PGK1: variants seen among roughly 807,000 people sequenced by gnomAD.
The protein encoded by PGK1 is PRP 2.
A neutral mutation model predicts 26.9 loss-of-function variants in PGK1; 3 were observed. That is an observed-to-expected ratio of 0.11 (90% CI 0.05 to 0.29). The LOEUF is 0.29. Ranked by LOEUF, PGK1 falls within the 10% of genes least tolerant of loss-of-function variation. The pLI is 1.00. For synonymous variants in PGK1, 125 were observed against 115.3 expected (o/e 1.08, Z -0.54); for missense variants, 270 against 314.7 (o/e 0.86, Z 1.07).
In PGK1 at chrX:78,106,705, T is replaced by G. The variant is rs782696047; in HGVS notation, c.65+2300T>G. 6.1e-6 allele frequency: 4 copies of G among 652,516 alleles called. No homozygotes were observed. In the African/African-American group the frequency reaches 9.6e-5, roughly 16 times the overall value. The allele number at this position is 652,516 out of a possible 1,213,427, so 53.8% of individuals were successfully genotyped here. On this transcript the variant is annotated intron_variant, in intron 1 of 10. Transcript: ENST00000373316. ...GGATAGCCAGAAACCTCTGACTTGT[T>G]AATTACCAGGTTCCATCTTAGTTTT...
intron 1 of PGK1, among the ~76,000 whole-genome samples, chrX:78,107,127 A>G (rs1171654924): frequency 9.0e-6 from 1 of 111,245 alleles, no homozygotes; most frequent in Non-Finnish European, 1.9e-5. Context: ...AAATCAGTAT[A>G]TTTTTTAATG....
rs781855321 is a variant in PGK1, at chrX:78,125,852, CT to C, written c.*23del. The C allele has an allele frequency of 8.8e-7, 1 of 1,139,696 alleles. No individual in the cohort carries two copies. Among genetic ancestry groups the C allele is most frequent in the East Asian group, 3.0e-5 (1 of 33,589 alleles). The allele number at this position is 1,139,696 out of a possible 1,213,427, so 93.9% of individuals were successfully genotyped here. On this transcript the variant is annotated 3_prime_UTR_variant, in exon 11 of 11. Transcript: ENST00000373316. ...TTAGTACTTTCCTGCCTTTTAGTTC[CT>C]GTGCACAGCCCCTAAGTCAACTTAG...
chrX:78,121,319 G>A (rs782710162), intron 6 of PGK1, among the ~76,000 whole-genome samples: 1 of 111,852 alleles, frequency 8.9e-6, no homozygotes, highest in Non-Finnish European at 1.9e-5. Context: ...TTGATTTGTT[G>A]AAGAAACAGG....
Position 78,125,873 on chromosome X carries a change from A to C in PGK1, c.*43A>C. 9.4e-7 allele frequency: 1 copy of C among 1,062,453 alleles called. No individual in the cohort carries two copies. The highest frequency in any genetic ancestry group is 1.3e-6 in the Non-Finnish European group (1 of 759,628). The allele number at this position is 1,062,453 out of a possible 1,213,427, so 87.6% of individuals were successfully genotyped here. ...GTTCCTGTGCACAGCCCCTAAGTCAACTTAGCATTTTCTGCATCTCCACTT... is the reference window on the plus strand; with the variant it reads ...GTTCCTGTGCACAGCCCCTAAGTCACCTTAGCATTTTCTGCATCTCCACTT... On this transcript the variant is annotated 3_prime_UTR_variant, in exon 11 of 11. Transcript: ENST00000373316.
chrX:78,113,317 GA>G lies in PGK1; in HGVS notation c.117-417del, dbSNP rs1267717574. Among the ~76,000 whole-genome samples, 34 of 108,002 alleles carry G rather than the reference GA, an allele frequency of 3.1e-4. 1 individual carries two copies. Among genetic ancestry groups the G allele is most frequent in the Admixed American group, 8.9e-4 (9 of 10,112 alleles). The allele number at this position is 108,002 out of a possible 115,157, so 93.8% of individuals were successfully genotyped here. ...CCCTGTCTCAACAAAAAAAGGAAAA[GA>G]AAAAAAAAATTCTAGACTTCTAGAG... On this transcript the variant is annotated intron_variant, in intron 2 of 10. Coordinates refer to ENST00000373316, the MANE Select transcript of PGK1 (RefSeq NM_000291.4).
In PGK1 at chrX:78,128,943, A is replaced by C. The variant is rs2078395069; in HGVS notation, c.*3113A>C. ...GCCGGGCGCAGTGGCTCACGCCTGTAATCCCAACAACACTTTGGGAGGCCC... is the reference window on the plus strand; with the variant it reads ...GCCGGGCGCAGTGGCTCACGCCTGTCATCCCAACAACACTTTGGGAGGCCC... On this transcript the variant is annotated 3_prime_UTR_variant, in exon 11 of 11. Coordinates refer to ENST00000373316, the MANE Select transcript of PGK1 (RefSeq NM_000291.4). The C allele has an allele frequency of 8.9e-6, 1 of 112,199 alleles. No homozygotes were observed. Among genetic ancestry groups the C allele is most frequent in the African/African-American group, 3.2e-5 (1 of 30,803 alleles). 9.2% of individuals were successfully genotyped at this position (112,199 alleles called of 1,213,427 possible).
chrX:78,110,024 A>G, intron 2 of PGK1, 107 bp downstream of exon 2: 2 of 582,210 alleles, frequency 3.4e-6, no homozygotes, highest in Middle Eastern at 3.1e-4. Context: ...AACTTAAAAC[A>G]AATGATTTTG....
chrX:78,105,589 CTAACTT>C (rs1305740699), intron 1 of PGK1, among the ~76,000 whole-genome samples: 1 of 111,564 alleles, frequency 9.0e-6, no homozygotes, highest in Non-Finnish European at 1.9e-5. Flanking sequence ...TCCCTTTACT[CTAACTT>C]TAAACATATG....
intron 2 of PGK1, among the ~76,000 whole-genome samples, chrX:78,110,798 A>T (rs1477341193): frequency 1.8e-5 from 2 of 110,585 alleles, no homozygotes; most frequent in Non-Finnish European, 3.8e-5. Flanking sequence ...CTTCCAAAAA[A>T]ACAAACAGGA....
chrX:78,125,088 C>CTT, intron 9 of PGK1, 37 bp downstream of exon 9: 1 of 1,121,001 alleles, frequency 8.9e-7, no homozygotes, highest in Non-Finnish European at 1.2e-6. Context: ...CCCATATAAG[C>CTT]TGGCAGAATT....
At chrX:78,125,283 T>C (rs1366679454) in intron 9 of PGK1, 44 bp from the exon 10 acceptor site, 1 of 1,050,972 alleles carries the variant, frequency 9.5e-7, no homozygotes, top group Non-Finnish European at 1.3e-6. Context: ...TCCCTTTTTT[T>C]TCTTTTCTCT....
chrX:78,127,482 T>A lies in PGK1; in HGVS notation c.*1652T>A, dbSNP rs782114180. 8.9e-6 allele frequency: 1 copy of A among 112,117 alleles called. No individual in the cohort carries two copies. The highest frequency in any genetic ancestry group is 1.9e-5 in the Non-Finnish European group (1 of 53,278). 9.2% of individuals were successfully genotyped at this position (112,117 alleles called of 1,213,427 possible). On this transcript the variant is annotated 3_prime_UTR_variant, in exon 11 of 11. Transcript: ENST00000373316. ...CCAGAAATTCTGTGCTGGAAAGATA[T>A]GTATTTCACCTTTAGGGACAAAGAA...
At chrX:78,111,547 C>CT (rs200193276) in intron 2 of PGK1, among the ~76,000 whole-genome samples, 51,871 of 110,999 alleles carry the variant, frequency 0.47, 11,208 homozygotes, top group African/African-American at 0.86. Flanking sequence ...TGTTTTTATA[C>CT]TACAGCACAT....
intron 1 of PGK1, chrX:78,106,561 T>C: frequency 2.7e-6 from 2 of 753,351 alleles, no homozygotes; most frequent in Non-Finnish European, 3.1e-6. Context: ...TGGGGCTTCC[T>C]GAGTAGTGGC....
At chrX:78,119,526 G>T (rs1463500731) in intron 6 of PGK1, among the ~76,000 whole-genome samples, 1 of 111,745 alleles carries the variant, frequency 8.9e-6, no homozygotes, top group African/African-American at 3.3e-5. Flanking sequence ...TGACTCTGGA[G>T]TTGGGTGTCA....
rs373973773 is a variant in PGK1, at chrX:78,125,869, G to C, written c.*39G>C. On this transcript the variant is annotated 3_prime_UTR_variant, in exon 11 of 11. Coordinates refer to ENST00000373316, the MANE Select transcript of PGK1 (RefSeq NM_000291.4). ...TTTAGTTCCTGTGCACAGCCCCTAA[G>C]TCAACTTAGCATTTTCTGCATCTCC... The C allele has an allele frequency of 2.6e-4, 276 of 1,072,964 alleles. No individual in the cohort carries two copies. Among genetic ancestry groups the C allele is most frequent in the Admixed American group, 8.8e-5 (4 of 45,590 alleles). The allele number at this position is 1,072,964 out of a possible 1,213,427, so 88.4% of individuals were successfully genotyped here. A position where few individuals can be genotyped will look rare whatever the true frequency, so the allele number is the denominator to read the frequency against.
intron 1 of PGK1, among the ~76,000 whole-genome samples, chrX:78,109,647 T>G (rs1219445010): frequency 2.7e-5 from 3 of 111,225 alleles, no homozygotes; most frequent in Non-Finnish European, 5.7e-5. Flanking sequence ...GGTTAAGAGA[T>G]AGAACATTAC....
intron 1 of PGK1, among the ~76,000 whole-genome samples, chrX:78,107,756 G>A (rs2078278717): frequency 9.0e-6 from 1 of 111,586 alleles, no homozygotes; most frequent in African/African-American, 3.3e-5. Context: ...ACACCTAGGA[G>A]TGGAATTGCT....
intron 6 of PGK1, among the ~76,000 whole-genome samples, chrX:78,120,984 A>G (rs1361530649): frequency 1.8e-5 from 2 of 112,389 alleles, no homozygotes; most frequent in African/African-American, 6.5e-5. Flanking sequence ...AAATGTTCCA[A>G]TGATATTTCC....
Sources: allele counts gnomAD v4.1 joint callset (sites outside exome capture counted in the v4.1 genomes callset), GRCh38; gene constraint gnomAD v4.1.1; transcripts MANE v1.5; gene names NCBI Gene and HGNC (gene_info 2026-07-23, HGNC 2026-07-21).